The following PRKG1 variants were observed in gnomAD, a reference collection of about 807,000 sequenced individuals.
PRKG1 encodes cGMP-dependent protein kinase 1.
PRKG1 carries 35 observed loss-of-function variants against 88.1 expected under a neutral mutation model. That is an observed-to-expected ratio of 0.40 (90% CI 0.30 to 0.53). The LOEUF (loss-of-function observed/expected upper bound fraction) is 0.53, where lower values mean the gene tolerates loss of function less well. Ranked by LOEUF, PRKG1 falls within the 20% of genes least tolerant of loss-of-function variation. The pLI is 0.59. For missense variants in PRKG1, 540 were observed against 839.8 expected (o/e 0.64, Z 4.41); for synonymous variants, 303 against 292.5 (o/e 1.04, Z -0.37).
intron 4 of PRKG1, among the ~76,000 whole-genome samples, chr10:51,860,400 G>A (rs889253607): frequency 5.9e-5 from 9 of 152,140 alleles, no homozygotes; most frequent in African/African-American, 2.2e-4. Flanking sequence ...AAGAGAGCGT[G>A]GTGAATCACT....
intron 3 of PRKG1, among the ~76,000 whole-genome samples, chr10:51,550,104 T>C (rs1837088579): frequency 6.6e-6 from 1 of 152,120 alleles, no homozygotes; most frequent in African/African-American, 2.4e-5. Context: ...AATACCATGA[T>C]CATCTCTAAT....
intron 3 of PRKG1, among the ~76,000 whole-genome samples, chr10:51,477,856 T>G (rs1194357314): frequency 6.6e-6 from 1 of 152,008 alleles, no homozygotes; most frequent in Non-Finnish European, 1.5e-5. Context: ...GACCCTAATT[T>G]TTTCATCACA....
chr10:51,468,732 A>G (rs1839971677), intron 3 of PRKG1, among the ~76,000 whole-genome samples: 1 of 151,924 alleles, frequency 6.6e-6, no homozygotes, highest in Non-Finnish European at 1.5e-5. Context: ...TGCTATTGGC[A>G]AAATGACAAG....
intron 3 of PRKG1, among the ~76,000 whole-genome samples, chr10:51,643,579 A>G (rs1048018238): frequency 5.9e-5 from 9 of 152,306 alleles, no homozygotes; most frequent in Non-Finnish European, 1.2e-4. Flanking sequence ...CAAGCTTGAC[A>G]TAACTGGATC....
chr10:51,029,663 C>T (rs939023530), intron 1 of PRKG1, among the ~76,000 whole-genome samples: 1 of 152,124 alleles, frequency 6.6e-6, no homozygotes, highest in African/African-American at 2.4e-5. Flanking sequence ...GCAAGTTGTA[C>T]CCATGGATGA....
intron 1 of PRKG1, among the ~76,000 whole-genome samples, chr10:51,069,046 G>A (rs1472148289): frequency 6.6e-6 from 1 of 151,836 alleles, no homozygotes; most frequent in Non-Finnish European, 1.5e-5. Flanking sequence ...TAGCTCATGA[G>A]TTTTCATGAG....
At chr10:52,263,041 A>G (rs1841471531) in intron 10 of PRKG1, among the ~76,000 whole-genome samples, 1 of 152,142 alleles carries the variant, frequency 6.6e-6, no homozygotes, top group African/African-American at 2.4e-5. Flanking sequence ...TTATTTTGAC[A>G]AGATAAGTTT....
intron 9 of PRKG1, among the ~76,000 whole-genome samples, chr10:52,228,313 G>A (rs545131815): frequency 5.3e-5 from 8 of 151,726 alleles, no homozygotes; most frequent in African/African-American, 2.4e-5. Context: ...TGAAGAGGTC[G>A]CAGCTAATCC....
chr10:51,431,854 C>CT (rs1838779396), intron 2 of PRKG1, among the ~76,000 whole-genome samples: 3 of 152,118 alleles, frequency 2.0e-5, no homozygotes, highest in South Asian at 4.2e-4. Flanking sequence ...GTTTGTTTCT[C>CT]TTTTTTTCTG....
chr10:51,280,694 G>T (rs1237071678), intron 2 of PRKG1, among the ~76,000 whole-genome samples: 1 of 152,172 alleles, frequency 6.6e-6, no homozygotes, highest in East Asian at 1.9e-4. Context: ...AGTAGTTCTT[G>T]TGCCATGGTT....
chr10:50,994,401 ATTTTTTTTTTTT>A (rs562018970), intron 1 of PRKG1, among the ~76,000 whole-genome samples: 2 of 87,642 alleles, frequency 2.3e-5, no homozygotes, highest in African/African-American at 9.4e-5. Context: ...CTCACCTGTA[ATTTTTTTTTTTT>A]TTTTTTTTTT....
chr10:52,098,987 G>A (rs1448819410), intron 7 of PRKG1, among the ~76,000 whole-genome samples: 1 of 152,202 alleles, frequency 6.6e-6, no homozygotes, highest in Admixed American at 6.5e-5. Context: ...GGAGATACCA[G>A]AGAAATTTAA....
At chr10:51,797,791 AGCTCTTCATTTCCCC>A (rs1325850847) in intron 3 of PRKG1, among the ~76,000 whole-genome samples, 8 of 151,646 alleles carry the variant, frequency 5.3e-5, no homozygotes, top group Non-Finnish European at 8.8e-5. Context: ...ATTAAAGGGT[AGCTCTTCATTTCCCC>A]GCTCCTTCCC....
chr10:51,659,142 A>T (rs1840233403), intron 3 of PRKG1, among the ~76,000 whole-genome samples: 1 of 152,142 alleles, frequency 6.6e-6, no homozygotes, highest in South Asian at 2.1e-4. Context: ...TTTGTTTTAT[A>T]AGCATGCTTT....
At chr10:51,408,958 G>A (rs189527430) in intron 2 of PRKG1, among the ~76,000 whole-genome samples, 112 of 152,214 alleles carry the variant, frequency 7.4e-4, no homozygotes, top group African/African-American at 2.6e-3. Flanking sequence ...TTTCTTTGCC[G>A]CCAATTTTCC....
intron 5 of PRKG1, among the ~76,000 whole-genome samples, chr10:52,019,821 G>T (rs1845136143): frequency 6.6e-6 from 1 of 152,114 alleles, no homozygotes; most frequent in South Asian, 2.1e-4. Flanking sequence ...CAGTTTTTGA[G>T]TTTGGAGAGT....
chr10:52,122,714 T>C (rs1847848102), intron 7 of PRKG1, among the ~76,000 whole-genome samples: 1 of 152,200 alleles, frequency 6.6e-6, no homozygotes, highest in African/African-American at 2.4e-5. Flanking sequence ...AAATACCATT[T>C]GTACCCTAAC....
intron 6 of PRKG1, among the ~76,000 whole-genome samples, chr10:52,060,649 A>G (rs1450262010): frequency 6.6e-6 from 1 of 151,954 alleles, no homozygotes; most frequent in African/African-American, 2.4e-5. Context: ...GTCTGACAAT[A>G]TTAAGTATTG....
chr10:51,784,720 T>A (rs1009151571), intron 3 of PRKG1, among the ~76,000 whole-genome samples: 2 of 152,122 alleles, frequency 1.3e-5, no homozygotes, highest in Admixed American at 6.6e-5. Flanking sequence ...ATTACAGTAT[T>A]GAACTTCCTT....
Sources: gnomAD v4.1 joint callset for allele counts (sites outside exome capture counted in the v4.1 genomes callset) on GRCh38, gnomAD v4.1.1 for gene constraint, MANE v1.5 for transcripts, NCBI Gene and HGNC (gene_info 2026-07-23, HGNC 2026-07-21) for gene names.